The following HTR4 variants were observed in gnomAD, a reference collection of about 807,000 sequenced individuals.
HTR4 encodes the protein 5-hydroxytryptamine receptor 4, also known as 5-hydroxytryptamine (serotonin) receptor 4, G protein-coupled.
In HTR4, 16 loss-of-function variants were observed where a neutral mutation model predicts 36.8. The observed-to-expected ratio is 0.43, with a 90% CI of 0.29 to 0.66. The LOEUF is 0.66. HTR4 is among the 30% of genes least tolerant of loss of function. The pLI, the probability that HTR4 is intolerant of heterozygous loss-of-function variation, is 0.13. For missense variants in HTR4, 438 were observed against 490.9 expected (o/e 0.89, Z 1.02); for synonymous variants, 189 against 185.1 (o/e 1.02, Z -0.17).
intron 2 of HTR4, among the ~76,000 whole-genome samples, chr5:148,618,447 G>T (rs915785125): frequency 6.6e-6 from 1 of 152,120 alleles, no homozygotes; most frequent in African/African-American, 2.4e-5. Flanking sequence ...CTTCAATTGG[G>T]CTTACTCAAC....
chr5:148,541,485 G>A (rs149086197), intron 4 of HTR4, among the ~76,000 whole-genome samples: 147 of 152,256 alleles, frequency 9.7e-4, no homozygotes, highest in Non-Finnish European at 1.6e-3. Flanking sequence ...TATTAACCAC[G>A]ATGCTTTGAT....
chr5:148,515,969 T>TTA (rs1288649687), intron 5 of HTR4, among the ~76,000 whole-genome samples: 9 of 146,930 alleles, frequency 6.1e-5, no homozygotes, highest in Admixed American at 2.8e-4. Flanking sequence ...CTTTTTTGTA[T>TTA]TATATATATA....
chr5:148,493,711 C>A (rs949820834), intron 6 of HTR4, among the ~76,000 whole-genome samples: 1 of 151,890 alleles, frequency 6.6e-6, no homozygotes, highest in African/African-American at 2.4e-5. Flanking sequence ...ATTTTAATAC[C>A]TTTAAGAACA....
rs879662054 is a variant in HTR4 at position 148,523,139 on chromosome 5, C to T, written c.507+54G>A. 1.2e-5 allele frequency: 17 copies of T among 1,442,422 alleles called. No individual in the cohort carries two copies. The Admixed American group carries it at 3.0e-4, about 25-fold the overall frequency. 89.4% of individuals were successfully genotyped at this position (1,442,422 alleles called of 1,614,324 possible). ...CTAATATTATTTATTCATTTAGGAA[C>T]CCCATGCAAAGTTGATCAGACAGTA... On this transcript the variant is annotated intron_variant, in intron 5 of 6. Transcript: ENST00000377888.
rs556192349 is a variant in HTR4 at position 148,510,465 on chromosome 5, T to C, written c.508-441A>G. On this transcript the variant is annotated intron_variant, in intron 5 of 6. Transcript: ENST00000377888. ...TCCCTGTCTGCTTGCACATAACAGA[T>C]CAGTCTCTTAACAGAATGTCTGCAG... Among the ~76,000 whole-genome samples the C allele has an allele frequency of 2.0e-5, 3 of 152,292 alleles. No individual in the cohort carries two copies. The East Asian group carries it at 5.8e-4, about 29-fold the overall frequency.
At chr5:148,602,431 G>T (rs1481801691) in intron 2 of HTR4, among the ~76,000 whole-genome samples, 3 of 152,128 alleles carry the variant, frequency 2.0e-5, no homozygotes, top group Non-Finnish European at 2.9e-5. Flanking sequence ...TTCAAACTAG[G>T]TGATAATTAA....
intron 6 of HTR4, among the ~76,000 whole-genome samples, chr5:148,487,413 G>A (rs1468399118): frequency 6.6e-6 from 1 of 152,112 alleles, no homozygotes; most frequent in Non-Finnish European, 1.5e-5. Context: ...GGAGGAAGAA[G>A]AAAAGGAGGA....
intron 2 of HTR4, among the ~76,000 whole-genome samples, chr5:148,634,445 A>C (rs1014348816): frequency 1.3e-5 from 2 of 152,116 alleles, no homozygotes; most frequent in Non-Finnish European, 2.9e-5. Context: ...AAGTTATTCA[A>C]CCTCCTTATG....
At chr5:148,571,327 G>T (rs529624100) in intron 2 of HTR4, among the ~76,000 whole-genome samples, 1 of 152,174 alleles carries the variant, frequency 6.6e-6, no homozygotes, top group Admixed American at 6.6e-5. Flanking sequence ...GTTGGTAGTT[G>T]TCGTGTCCAT....
intron 2 of HTR4, among the ~76,000 whole-genome samples, chr5:148,558,094 A>G (rs1760035681): frequency 6.6e-6 from 1 of 151,848 alleles, no homozygotes. Flanking sequence ...TATTTTTTTC[A>G]CCCTTCCTGC....
At chr5:148,580,634 G>A (rs922583521) in intron 2 of HTR4, among the ~76,000 whole-genome samples, 15 of 151,940 alleles carry the variant, frequency 9.9e-5, no homozygotes, top group Non-Finnish European at 1.5e-4. Flanking sequence ...TTGTCTTTCC[G>A]TGACCGACTT....
intron 6 of HTR4, among the ~76,000 whole-genome samples, chr5:148,503,720 C>T (rs566978259): frequency 2.4e-4 from 37 of 152,108 alleles, no homozygotes; most frequent in Middle Eastern, 3.4e-3. Context: ...GAGTCAAGAC[C>T]CATCAGTGTG....
chr5:148,592,231 T>G (rs1761600992), intron 2 of HTR4, among the ~76,000 whole-genome samples: 1 of 152,048 alleles, frequency 6.6e-6, no homozygotes, highest in Non-Finnish European at 1.5e-5. Flanking sequence ...GGAATCTACT[T>G]GAGGGTGGAG....
intron 6 of HTR4, among the ~76,000 whole-genome samples, chr5:148,491,532 T>G (rs1756441007): frequency 2.0e-5 from 3 of 152,090 alleles, no homozygotes; most frequent in Non-Finnish European, 4.4e-5. Context: ...CAGGAAATTC[T>G]TTGCTCTGGG....
At chr5:148,614,134 C>T (rs1282842600) in intron 2 of HTR4, among the ~76,000 whole-genome samples, 1 of 152,082 alleles carries the variant, frequency 6.6e-6, no homozygotes, top group Non-Finnish European at 1.5e-5. Flanking sequence ...TCAATGCCAT[C>T]CCCATCAAGC....
downstream of HTR4, among the ~76,000 whole-genome samples, chr5:148,476,982 C>T (rs1162341021): frequency 1.3e-5 from 2 of 152,146 alleles, no homozygotes; most frequent in Admixed American, 1.3e-4. Flanking sequence ...GCTGAATGTG[C>T]AAATCCGAAG....
chr5:148,507,229 A>G (rs1018782867), intron 6 of HTR4, among the ~76,000 whole-genome samples: 1 of 150,924 alleles, frequency 6.6e-6, no homozygotes, highest in Non-Finnish European at 1.5e-5. Context: ...TTGTAGGGAC[A>G]TGGATGAAGC....
At chr5:148,540,612 A>C (rs115403529) in intron 4 of HTR4, among the ~76,000 whole-genome samples, 1 of 151,728 alleles carries the variant, frequency 6.6e-6, no homozygotes, top group Non-Finnish European at 1.5e-5. Context: ...TTCAATATAC[A>C]ATGTGGAAGA....
intron 6 of HTR4, among the ~76,000 whole-genome samples, chr5:148,506,556 C>A (rs1018032658): frequency 1.3e-5 from 2 of 152,076 alleles, no homozygotes; most frequent in Admixed American, 1.3e-4. Flanking sequence ...TTCTGCACAG[C>A]AAAAGAAACT....
Sources: gnomAD v4.1 joint callset for allele counts (sites outside exome capture counted in the v4.1 genomes callset) on GRCh38, gnomAD v4.1.1 for gene constraint, MANE v1.5 for transcripts, NCBI Gene and HGNC (gene_info 2026-07-23, HGNC 2026-07-21) for gene names.